Variants in KIF26A observed in about 807,000 individuals in gnomAD.
KIF26A encodes kinesin family member 26A.
Under a neutral mutation model 126.0 loss-of-function variants are expected in KIF26A, and 74 were observed. The ratio of observed to expected loss-of-function variants is 0.59; its 90% CI spans 0.49 to 0.71. The LOEUF is 0.71. Ranked by LOEUF, KIF26A falls within the 30% of genes least tolerant of loss-of-function variation. The probability of loss-of-function intolerance (pLI) is 0.00; values close to 1 mark genes in which losing one functional copy is unlikely to be tolerated. For missense variants in KIF26A, 2,984 were observed against 2,763.3 expected, an observed-to-expected ratio of 1.08 and a Z score of -1.79; for synonymous variants, 1,445 against 1,232.7, an observed-to-expected ratio of 1.17 and a Z score of -3.61.
At chr14:104,156,108 G>GCTGC in intron 3 of KIF26A, among the ~76,000 whole-genome samples, 1 of 152,346 alleles carries the variant, frequency 6.6e-6, no homozygotes. Context: ...GGCCCTGGGT[G>GCTGC]CTGACTGCCA....
At chr14:104,154,133 C>T (rs1445512923) in intron 3 of KIF26A, among the ~76,000 whole-genome samples, 2 of 152,174 alleles carry the variant, frequency 1.3e-5, no homozygotes, top group African/African-American at 4.8e-5. Flanking sequence ...GCCTGTTAGA[C>T]TCTAGAGTTA....
At chr14:104,167,143 C>A in intron 5 of KIF26A, 95 bp downstream of exon 5, 1 of 1,304,166 alleles carries the variant, frequency 7.7e-7, no homozygotes, top group Non-Finnish European at 1.0e-6. Context: ...GCTGCCACTT[C>A]CTTCTCTGGG....
chr14:104,172,874 C>A (rs1271019815), intron 7 of KIF26A, 103 bp from the exon 8 acceptor site: 2 of 1,396,662 alleles, frequency 1.4e-6, no homozygotes, highest in Non-Finnish European at 1.9e-6. Flanking sequence ...TCCAAAGAGG[C>A]CCCTGAGATC....
In KIF26A at chr14:104,179,641, G is replaced by A; in HGVS notation, c.5500G>A (p.Ala1834Thr). The change falls in exon 15 of 15, where the codon GCC becomes ACC. Residue 1834 changes from alanine to threonine, a missense_variant. Coordinates refer to ENST00000423312, the MANE Select transcript of KIF26A (RefSeq NM_015656.2). ...GGACCCGGAGCTGGAGCCCGAGTCG[G>A]CCGAGTACCTGGCGGCCCTGGAGCG... is the stretch of plus-strand genomic sequence containing the variant. ...EVDPELEPES[A>T]EYLAALERAT... 1.3e-6 allele frequency: 2 copies of A among 1,543,926 alleles called. No individual in the cohort carries two copies. The highest frequency in any genetic ancestry group is 1.7e-6 in the Non-Finnish European group (2 of 1,143,716).
intron 5 of KIF26A, among the ~76,000 whole-genome samples, chr14:104,168,472 C>T (rs575814360): frequency 7.2e-5 from 11 of 152,274 alleles, no homozygotes; most frequent in African/African-American, 2.4e-4. Context: ...GGCTCTGGGG[C>T]GGCCTGTGGG....
Position 104,152,538 on chromosome 14 carries a change from C to A in KIF26A, c.735+77C>A. On this transcript the variant is annotated intron_variant, in intron 3 of 14. Transcript: ENST00000423312. This position sits in a 1 kb window ranked among gnomAD's most constrained non-coding sequence, Gnocchi z 5.9. ...GGCTTCCTTCGGGGGTCTCTGTCCA[C>A]GTTGAGTGCCCTGCAGTAAGGCTTC... The A allele has an allele frequency of 7.3e-7, 1 of 1,369,506 alleles. No individual in the cohort carries two copies. The highest frequency in any genetic ancestry group is 9.7e-7 in the Non-Finnish European group (1 of 1,026,680). The allele number at this position is 1,369,506 out of a possible 1,614,324, so 84.8% of individuals were successfully genotyped here. A position where few individuals can be genotyped will look rare whatever the true frequency, so the allele number is the denominator to read the frequency against.
chr14:104,139,650 A>C (rs1342442786), intron 2 of KIF26A, among the ~76,000 whole-genome samples: 2 of 151,768 alleles, frequency 1.3e-5, no homozygotes, highest in Non-Finnish European at 2.9e-5. Flanking sequence ...CAGCAGGGAG[A>C]GGTTATTTGG....
In KIF26A at chr14:104,152,097, G is replaced by A. The variant is rs369169884; in HGVS notation, c.371G>A (p.Arg124His). 1.3e-5 allele frequency: 21 copies of A among 1,612,456 alleles called. No individual in the cohort carries two copies. The highest frequency in any genetic ancestry group is 9.9e-5 in the South Asian group (9 of 91,064). Residue 124 changes from arginine (R) to histidine (H), a missense_variant, in exon 3 of 15, where the codon CGC becomes CAC. By Grantham distance (29) the Arg-to-His change is conservative. Coordinates refer to ENST00000423312, the MANE Select transcript of KIF26A (RefSeq NM_015656.2). The surrounding 1 kb of genome is among the most constrained non-coding windows in gnomAD (Gnocchi z 5.9). ...LPACRPEAER[R>H]CDVCATHLQQ... ...GCCTGTCGCCCAGAGGCCGAGCGCC[G>A]CTGTGACGTCTGCGCCACACACCTG...
chr14:104,176,728 G>T lies in KIF26A; in HGVS notation c.3940G>T (p.Gly1314Cys). 6.3e-7 allele frequency: 1 copy of T among 1,587,700 alleles called. No individual in the cohort carries two copies. ...GCTGCGGAGGGGTGCCACCACGCTG[G>T]GTGTGACAACGCCAGCTGTGTCCTG... Reference protein sequence around the residue: ...PPLRRGATTLGVTTPAVSWGD... With the variant: ...PPLRRGATTLCVTTPAVSWGD... The change falls in exon 12 of 15, where the codon GGT becomes TGT. Residue 1314 changes from glycine (G) to cysteine (C), a missense_variant. By Grantham distance (159) the Gly-to-Cys change is radical (BLOSUM62 -3). Transcript: ENST00000423312.
Position 104,178,773 on chromosome 14 carries a change from C to T in KIF26A, c.5316+18C>T. 1 of 1,419,478 alleles carries T rather than the reference C, an allele frequency of 7.0e-7. No individual in the cohort carries two copies. Among genetic ancestry groups the T allele is most frequent in the Non-Finnish European group, 9.6e-7 (1 of 1,045,788 alleles). 87.9% of individuals were successfully genotyped at this position (1,419,478 alleles called of 1,614,324 possible). ...CCACCCAGGTAGGGCCTTTGGTGGGCTGGGGTCTATGACCCCTGGTGGGGA... is the reference window on the plus strand; with the variant it reads ...CCACCCAGGTAGGGCCTTTGGTGGGTTGGGGTCTATGACCCCTGGTGGGGA... On this transcript the variant is annotated intron_variant, in intron 13 of 14. Transcript: ENST00000423312.
intron 10 of KIF26A, 45 bp downstream of exon 10, chr14:104,173,913 G>A: frequency 6.5e-7 from 1 of 1,527,570 alleles, no homozygotes; most frequent in Non-Finnish European, 8.8e-7. Context: ...TGGCCCCTTG[G>A]TGACCTGGTA....
At chr14:104,172,797 G>A in intron 7 of KIF26A, 129 bp downstream of exon 7, 3 of 1,080,084 alleles carry the variant, frequency 2.8e-6, no homozygotes, top group Non-Finnish European at 4.0e-6. Context: ...TGGGCATATG[G>A]GGTGAGGGGC....
At chr14:104,141,786 C>A (rs972082449) in intron 2 of KIF26A, among the ~76,000 whole-genome samples, 2 of 152,204 alleles carry the variant, frequency 1.3e-5, no homozygotes, top group East Asian at 1.9e-4. Context: ...CATGGTCCTG[C>A]CTATGCTCAT....
At chr14:104,141,652 G>A (rs987463813) in intron 2 of KIF26A, among the ~76,000 whole-genome samples, 1 of 151,008 alleles carries the variant, frequency 6.6e-6, no homozygotes, top group Non-Finnish European at 1.5e-5. Flanking sequence ...AGGCGTAGAG[G>A]GTCGGGGCCC....
rs1249339899 is a variant in KIF26A, at chr14:104,148,255, C to T, written c.289-3760C>T. 2.0e-5 allele frequency among the ~76,000 whole-genome samples: 3 copies of T among 151,024 alleles called. No individual in the cohort carries two copies. In the East Asian group the frequency reaches 5.8e-4, roughly 29 times the overall value. On this transcript the variant is annotated intron_variant, in intron 2 of 14. Transcript: ENST00000423312. This position sits in a 1 kb window ranked among gnomAD's most constrained non-coding sequence, Gnocchi z 4.3. The stretch of plus-strand genomic sequence containing the variant: ...GATTTGTAAGTAGGGGGGAGACTCC[C>T]TAAAACCCAGGCGCGCAATGGGTGG...
In KIF26A at chr14:104,177,490, C is replaced by A. The variant is rs960988686; in HGVS notation, c.4702C>A (p.His1568Asn). The A allele has an allele frequency of 1.3e-6, 2 of 1,533,904 alleles. No individual in the cohort carries two copies. The highest frequency in any genetic ancestry group is 3.9e-5 in the Admixed American group (2 of 50,832). The change falls in exon 12 of 15, where the codon CAT (histidine) becomes AAT (asparagine). Residue 1568 changes from histidine to asparagine, a missense_variant. Coordinates refer to ENST00000423312, the MANE Select transcript of KIF26A (RefSeq NM_015656.2). ...QALRAAHSRV[H>N]ELSASGAPGR... ...GCTCCGGGCTGCTCACAGCCGCGTC[C>A]ATGAGCTGTCAGCCAGTGGAGCCCC...
At chr14:104,179,441 G>A in intron 14 of KIF26A, 55 bp downstream of exon 14, 1 of 1,449,624 alleles carries the variant, frequency 6.9e-7, no homozygotes, top group Non-Finnish European at 9.1e-7. Flanking sequence ...CCTGACAGCT[G>A]CCCTCCCCTC....
At position 104,173,064 on chromosome 14, in the gene KIF26A, T is replaced by C. The variant is rs2037975964; in HGVS notation, c.1508T>C (p.Ile503Thr). ...PCAISWLFRLIEERRERTGTR... is the reference protein window; with the variant it reads ...PCAISWLFRLTEERRERTGTR... Reference sequence around the variant, plus strand: ...GCCATCTCCTGGCTCTTCAGGCTCATCGAGGAGCGCAGGGAGAGGACGGGC... The same window carrying C: ...GCCATCTCCTGGCTCTTCAGGCTCACCGAGGAGCGCAGGGAGAGGACGGGC... The change falls in exon 8 of 15, where the codon ATC becomes ACC. Residue 503 changes from isoleucine (I) to threonine (T), a missense_variant. Coordinates refer to ENST00000423312, the MANE Select transcript of KIF26A (RefSeq NM_015656.2). 6.2e-7 allele frequency: 1 copy of C among 1,605,534 alleles called. No homozygotes were observed. The highest frequency in any genetic ancestry group is 1.3e-5 in the African/African-American group (1 of 74,788).
chr14:104,165,769 G>A (rs1160577599), intron 4 of KIF26A, among the ~76,000 whole-genome samples: 2 of 146,726 alleles, frequency 1.4e-5, no homozygotes, highest in African/African-American at 4.9e-5. Context: ...GTATGCATGT[G>A]TGTGACTGTG....
Sources: allele counts gnomAD v4.1 joint callset (sites outside exome capture counted in the v4.1 genomes callset), GRCh38; gene constraint gnomAD v4.1.1; non-coding constraint Gnocchi (gnomAD v3.1); transcripts MANE v1.5; gene names NCBI Gene and HGNC (gene_info 2026-07-23, HGNC 2026-07-21).